The following KIAA1217 variants were observed in gnomAD, a reference collection of about 807,000 sequenced individuals.
The protein encoded by KIAA1217 is KIAA1217, also known as sickle tail protein homolog.
A neutral mutation model predicts 163.9 loss-of-function variants in KIAA1217; 88 were observed. The observed-to-expected ratio is 0.54, with a 90% CI of 0.45 to 0.64. The LOEUF is 0.64. KIAA1217 is among the 30% of genes least tolerant of loss of function. The pLI, the probability that KIAA1217 is intolerant of heterozygous loss-of-function variation, is 0.00. For synonymous variants in KIAA1217, 903 were observed against 923.1 expected, an observed-to-expected ratio of 0.98 and a Z score of 0.39; for missense variants, 2,372 against 2,475.0, an observed-to-expected ratio of 0.96 and a Z score of 0.88.
intron 2 of KIAA1217, among the ~76,000 whole-genome samples, chr10:24,186,866 G>T (rs1439070236): frequency 6.6e-6 from 1 of 151,980 alleles, no homozygotes; most frequent in African/African-American, 2.4e-5. Flanking sequence ...CTCCAGCCTG[G>T]GTGACAGAGT....
intron 2 of KIAA1217, among the ~76,000 whole-genome samples, chr10:24,152,313 C>T (rs1381957650): frequency 1.3e-5 from 2 of 152,168 alleles, no homozygotes; most frequent in Non-Finnish European, 2.9e-5. Context: ...ATAAAATATT[C>T]TTATTGTAGT....
At chr10:24,246,528 T>C (rs1030925585) in intron 2 of KIAA1217, among the ~76,000 whole-genome samples, 1 of 152,212 alleles carries the variant, frequency 6.6e-6, no homozygotes, top group Admixed American at 6.5e-5. Context: ...GAGAATACAG[T>C]TCACTACAGT....
intron 5 of KIAA1217, among the ~76,000 whole-genome samples, chr10:24,447,311 A>T (rs2132191094): frequency 6.6e-6 from 1 of 152,044 alleles, no homozygotes; most frequent in Non-Finnish European, 1.5e-5. Flanking sequence ...ATATGTATAC[A>T]TGTGCCATGT....
At position 24,124,456 on chromosome 10, in the gene KIAA1217, A is replaced by T. The variant is rs11013911; in HGVS notation, c.-170-95170A>T. On this transcript the variant is annotated intron_variant, in intron 2 of 18. Coordinates refer to the KIAA1217 transcript ENST00000376462. The stretch of plus-strand genomic sequence containing the variant: ...TATTTCTTTTTCTCTTATTGATATC[A>T]TGATTAGGAACGCTTGTCCAATGTT... Among the ~76,000 whole-genome samples, 540 of 152,146 alleles carry T rather than the reference A, an allele frequency of 3.5e-3. 2 individuals are homozygous for T. The highest frequency in any genetic ancestry group is 0.012 in the African/African-American group (507 of 41,530).
intron 2 of KIAA1217, among the ~76,000 whole-genome samples, chr10:24,333,095 C>T (rs1446316261): frequency 6.7e-6 from 1 of 150,130 alleles, no homozygotes; most frequent in African/African-American, 2.5e-5. Flanking sequence ...GATCTCGGCT[C>T]ACTGCAACCT....
intron 1 of KIAA1217, among the ~76,000 whole-genome samples, chr10:23,908,083 A>C (rs940052135): frequency 6.6e-6 from 1 of 152,080 alleles, no homozygotes; most frequent in Non-Finnish European, 1.5e-5. Context: ...AGACCTGAGG[A>C]GAGAGAATTC....
At chr10:24,075,751 C>T (rs754532685) in intron 2 of KIAA1217, among the ~76,000 whole-genome samples, 12 of 134,640 alleles carry the variant, frequency 8.9e-5, no homozygotes, top group Non-Finnish European at 1.7e-4. Flanking sequence ...TTACAGGCGC[C>T]TGCCACCATG....
At chr10:24,248,807 T>A (rs1197278771) in intron 2 of KIAA1217, among the ~76,000 whole-genome samples, 1 of 152,178 alleles carries the variant, frequency 6.6e-6, no homozygotes, top group African/African-American at 2.4e-5. Flanking sequence ...TATGATTCAG[T>A]TTCCTAAATG....
intron 2 of KIAA1217, among the ~76,000 whole-genome samples, chr10:24,182,437 A>C (rs965861025): frequency 9.2e-6 from 1 of 108,620 alleles, no homozygotes; most frequent in Non-Finnish European, 2.2e-5. Context: ...GCAAGACTCC[A>C]TCACACACAC....
intron 5 of KIAA1217, among the ~76,000 whole-genome samples, chr10:24,442,172 C>G (rs2060550241): frequency 6.6e-6 from 1 of 152,142 alleles, no homozygotes; most frequent in Non-Finnish European, 1.5e-5. Context: ...CCTCCCACCC[C>G]TCTTCTACTG....
At chr10:24,508,558 A>C (rs753459495) in intron 9 of KIAA1217, among the ~76,000 whole-genome samples, 81 of 152,344 alleles carry the variant, frequency 5.3e-4, no homozygotes, top group Middle Eastern at 3.4e-3. Context: ...GGCTTTACTC[A>C]CAAATGACAT....
At chr10:24,212,288 C>T (rs750075111) in intron 1 of KIAA1217, among the ~76,000 whole-genome samples, 2 of 152,016 alleles carry the variant, frequency 1.3e-5, no homozygotes, top group Admixed American at 6.6e-5. Flanking sequence ...GGAGTATTTA[C>T]GAAGAACAGA....
chr10:24,135,456 T>C (rs2063799202), intron 2 of KIAA1217, among the ~76,000 whole-genome samples: 1 of 151,878 alleles, frequency 6.6e-6, no homozygotes. Flanking sequence ...GGGGCTGAGT[T>C]TGCAGGTTCC....
At position 23,999,522 on chromosome 10, in the gene KIAA1217, A is replaced by G. The variant is rs138945384; in HGVS notation, c.-320-7703A>G. Among the ~76,000 whole-genome samples, 1,323 of 152,250 alleles carry G rather than the reference A, an allele frequency of 8.7e-3. 5 individuals are homozygous for G. Among genetic ancestry groups the G allele is most frequent in the Middle Eastern group, 0.017 (5 of 294 alleles). ...CCTCAGGGTTTAGAGTAGAGCCCAC[A>G]TCACCTACCTGGACACTGGTGGCCA... On this transcript the variant is annotated intron_variant, in intron 1 of 18. Transcript: ENST00000376462.
chr10:24,062,913 G>GT (rs752976390), intron 2 of KIAA1217, among the ~76,000 whole-genome samples: 5 of 151,722 alleles, frequency 3.3e-5, no homozygotes, highest in East Asian at 1.9e-4. Flanking sequence ...TTTTTCATGT[G>GT]TTTTTTTGGC....
intron 2 of KIAA1217, among the ~76,000 whole-genome samples, chr10:24,109,792 G>T (rs1209978800): frequency 6.6e-6 from 1 of 152,190 alleles, no homozygotes; most frequent in African/African-American, 2.4e-5. Context: ...AGTCATAAAG[G>T]ATTTGGTTTG....
chr10:24,290,535 T>C (rs907843278), intron 2 of KIAA1217, among the ~76,000 whole-genome samples: 1 of 151,810 alleles, frequency 6.6e-6, no homozygotes, highest in African/African-American at 2.4e-5. Flanking sequence ...TCTTTTTTGC[T>C]AACTTTCACC....
intron 2 of KIAA1217, among the ~76,000 whole-genome samples, chr10:24,173,961 T>C (rs2065751313): frequency 6.6e-6 from 1 of 152,212 alleles, no homozygotes; most frequent in Admixed American, 6.5e-5. Flanking sequence ...CCCATGGGGC[T>C]GTCTTGTACC....
intron 13 of KIAA1217, among the ~76,000 whole-genome samples, chr10:24,526,743 C>G (rs2072249886): frequency 6.6e-6 from 1 of 151,984 alleles, no homozygotes; most frequent in South Asian, 2.1e-4. Flanking sequence ...AGCCAGTGAA[C>G]AGAAGAGACA....
Sources: allele counts gnomAD v4.1 joint callset (sites outside exome capture counted in the v4.1 genomes callset), GRCh38; gene constraint gnomAD v4.1.1; transcripts MANE v1.5; gene names NCBI Gene and HGNC (gene_info 2026-07-23, HGNC 2026-07-21).